The following LVRN variants were observed in gnomAD, a reference collection of about 807,000 sequenced individuals.
The protein encoded by LVRN is laeverin.
A neutral mutation model predicts 111.4 loss-of-function variants in LVRN; 99 were observed. The ratio of observed to expected loss-of-function variants is 0.89; its 90% confidence interval spans 0.76 to 1.05. LVRN has a LOEUF of 1.05. Among genes scored for constraint, LVRN ranks in the 50% least tolerant of loss-of-function variants. The pLI, the probability that LVRN is intolerant of heterozygous loss-of-function variation, is 0.00. For synonymous variants in LVRN, 488 were observed against 449.5 expected, an observed-to-expected ratio of 1.09 and a Z score of -1.08; for missense variants, 1,414 against 1,206.8, an observed-to-expected ratio of 1.17 and a Z score of -2.54.
chr5:115,990,907 G>A (rs1747971657), intron 4 of LVRN, among the ~76,000 whole-genome samples: 1 of 152,158 alleles, frequency 6.6e-6, no homozygotes, highest in South Asian at 2.1e-4. Context: ...TTTTAGAGCA[G>A]TTTAAGGTTT....
At chr5:116,000,200 T>A (rs1001797194) in intron 7 of LVRN, among the ~76,000 whole-genome samples, 1 of 152,218 alleles carries the variant, frequency 6.6e-6, no homozygotes, top group Admixed American at 6.5e-5. Context: ...TCTCAATTTT[T>A]AAAAATTTTA....
At chr5:115,988,063 T>C in intron 4 of LVRN, 124 bp downstream of exon 4, 1 of 1,326,894 alleles carries the variant, frequency 7.5e-7, no homozygotes, top group South Asian at 1.4e-5. Context: ...TGGTTTGGAG[T>C]TAGCCTCCTG....
chr5:116,022,258 T>A, intron 18 of LVRN, 133 bp from the exon 19 acceptor site: 1 of 645,118 alleles, frequency 1.6e-6, no homozygotes, highest in Admixed American at 2.9e-5. Context: ...AACTAGTTCA[T>A]ACATGTTTTT....
At chr5:116,000,763 T>C (rs1748221190) in intron 9 of LVRN, 105 bp downstream of exon 9, 5 of 1,264,610 alleles carry the variant, frequency 4.0e-6, no homozygotes, top group Non-Finnish European at 5.6e-6. Flanking sequence ...AAAACAGCTT[T>C]GTCTTGTTGT....
intron 16 of LVRN, among the ~76,000 whole-genome samples, chr5:116,014,740 C>G: frequency 6.6e-6 from 1 of 152,108 alleles, no homozygotes; most frequent in East Asian, 1.9e-4. Context: ...TGAATTGTCA[C>G]CTAGGACCTC....
Position 115,966,496 on chromosome 5 carries a change from T to C in LVRN, c.695+3184T>C, listed in dbSNP as rs188408999. 2.4e-3 allele frequency among the ~76,000 whole-genome samples: 373 copies of C among 152,346 alleles called. 3 individuals are homozygous for C. Among genetic ancestry groups the C allele is most frequent in the Non-Finnish European group, 4.0e-3 (270 of 68,030 alleles). On this transcript the variant is annotated intron_variant, in intron 1 of 19. Transcript: ENST00000357872. Reference sequence around the variant, plus strand: ...CAGTTTTTGGTTTTACAAATAAATCTTCTATGAATAATTGTGTACAAGTTT... The same window carrying C: ...CAGTTTTTGGTTTTACAAATAAATCCTCTATGAATAATTGTGTACAAGTTT...
At chr5:116,012,018 C>G (rs901920191) in intron 14 of LVRN, among the ~76,000 whole-genome samples, 1 of 151,844 alleles carries the variant, frequency 6.6e-6, no homozygotes, top group Non-Finnish European at 1.5e-5. Flanking sequence ...CATTTCTTCT[C>G]TATTTTGAAC....
At chr5:115,987,017 C>G (rs150125371) in intron 3 of LVRN, among the ~76,000 whole-genome samples, 375 of 151,572 alleles carry the variant, frequency 2.5e-3, no homozygotes, top group African/African-American at 8.6e-3. Flanking sequence ...GCTGGCAATT[C>G]TATTAAAAAT....
intron 4 of LVRN, among the ~76,000 whole-genome samples, chr5:115,989,344 G>A (rs762297363): frequency 6.6e-6 from 1 of 152,044 alleles, no homozygotes; most frequent in Non-Finnish European, 1.5e-5. Flanking sequence ...CCTTCCTCTT[G>A]TCTCCTCCAG....
chr5:115,969,109 C>G (rs1393101923), intron 1 of LVRN, among the ~76,000 whole-genome samples: 2 of 152,182 alleles, frequency 1.3e-5, no homozygotes, highest in Non-Finnish European at 2.9e-5. Flanking sequence ...TCTCCTCTTT[C>G]TCAATATAGC....
chr5:116,016,630 A>G (rs139421771), intron 18 of LVRN, among the ~76,000 whole-genome samples: 14 of 152,320 alleles, frequency 9.2e-5, no homozygotes, highest in African/African-American at 3.4e-4. Flanking sequence ...ACTTTTGCAG[A>G]CTCACAGTGC....
intron 1 of LVRN, chr5:115,975,143 C>T: frequency 2.3e-6 from 1 of 436,034 alleles, no homozygotes; most frequent in East Asian, 5.8e-5. Flanking sequence ...TTGTATGAGT[C>T]AATGAACTGA....
In LVRN at chr5:115,963,218, A is replaced by G; in HGVS notation, c.601A>G (p.Ser201Gly). The G allele has an allele frequency of 1.2e-6, 2 of 1,612,844 alleles. No individual in the cohort carries two copies. The highest frequency in any genetic ancestry group is 1.7e-6 in the Non-Finnish European group (2 of 1,179,856). ...ELSEPLKPGS[S>G]YELQLSFSGL... is the part of the protein sequence containing the mutation. ...CAGTGAGCCCCTGAAACCTGGTAGC[A>G]GCTACGAGCTGCAGCTTAGCTTCTC... is the stretch of plus-strand genomic sequence containing the variant. Residue 201 changes from serine (S) to glycine (G), a missense_variant, in exon 1 of 20, where the codon AGC becomes GGC. Coordinates refer to ENST00000357872, the MANE Select transcript of LVRN (RefSeq NM_173800.5).
chr5:115,999,646 A>C (rs1748194617), intron 6 of LVRN, 116 bp from the exon 7 acceptor site: 1 of 1,119,336 alleles, frequency 8.9e-7, no homozygotes, highest in Non-Finnish European at 1.3e-6. Flanking sequence ...GACACTTCTC[A>C]ATTACTGAAT....
chr5:116,015,358 G>C lies in LVRN; in HGVS notation c.2557G>C (p.Glu853Gln), dbSNP rs1244231154. 1.9e-6 allele frequency: 3 copies of C among 1,611,626 alleles called. No homozygotes were observed. Among genetic ancestry groups the C allele is most frequent in the African/African-American group, 2.7e-5 (2 of 74,824 alleles). Residue 853 changes from glutamate to glutamine, a missense_variant, in exon 17 of 20, where the codon GAA becomes CAA. Glu to Gln is a conservative substitution (Grantham distance 29, BLOSUM62 2). Coordinates refer to ENST00000357872, the MANE Select transcript of LVRN (RefSeq NM_173800.5). The stretch of plus-strand genomic sequence containing the variant: ...TACTTACACTAATACAACAAACAAA[G>C]AAGAAAAGATTCAACTTGCTTATGC... ...LNTYTNTTNK[E>Q]EKIQLAYAMS...
intron 1 of LVRN, among the ~76,000 whole-genome samples, chr5:115,970,384 CTTTT>C (rs3984987): frequency 3.0e-5 from 4 of 133,824 alleles, no homozygotes; most frequent in Non-Finnish European, 4.8e-5. Flanking sequence ...GAAATACATT[CTTTT>C]TTTTTTTTTT....
chr5:115,988,678 G>A (rs1747920963), intron 4 of LVRN, among the ~76,000 whole-genome samples: 1 of 152,174 alleles, frequency 6.6e-6, no homozygotes, highest in Non-Finnish European at 1.5e-5. Flanking sequence ...GGGAGCTTGA[G>A]CCTTCTGAAC....
chr5:115,990,375 A>T (rs1221378101), intron 4 of LVRN, among the ~76,000 whole-genome samples: 1 of 152,140 alleles, frequency 6.6e-6, no homozygotes, highest in Non-Finnish European at 1.5e-5. Flanking sequence ...GAACATTTTA[A>T]ATAAGATTTT....
intron 19 of LVRN, among the ~76,000 whole-genome samples, chr5:116,025,473 C>G (rs2112654984): frequency 6.6e-6 from 1 of 152,134 alleles, no homozygotes; most frequent in African/African-American, 2.4e-5. Context: ...AACAAATGTT[C>G]TGATAACTGA....
Sources: allele counts gnomAD v4.1 joint callset (sites outside exome capture counted in the v4.1 genomes callset), GRCh38; gene constraint gnomAD v4.1.1; transcripts MANE v1.5; gene names NCBI Gene and HGNC (gene_info 2026-07-23, HGNC 2026-07-21).